Variants in PACRG observed in about 807,000 individuals in gnomAD.
PACRG encodes the protein parkin coregulated gene protein.
PACRG carries 29 observed loss-of-function variants against 29.7 expected under a neutral mutation model. That is an observed-to-expected ratio of 0.98 (90% CI 0.73 to 1.33). The LOEUF (loss-of-function observed/expected upper bound fraction) is 1.33, where lower values mean the gene tolerates loss of function less well. Ranked by LOEUF, PACRG falls within the 40% of genes most tolerant of loss-of-function variation. The pLI is 0.00. For missense variants in PACRG, 279 were observed against 316.2 expected (o/e 0.88, Z 0.89); for synonymous variants, 116 against 118.7 (o/e 0.98, Z 0.15).
At chr6:162,797,283 C>CA (rs1380101875) in intron 1 of PACRG, among the ~76,000 whole-genome samples, 1 of 151,510 alleles carries the variant, frequency 6.6e-6, no homozygotes, top group East Asian at 1.9e-4. Context: ...CCAAACCAAA[C>CA]AAAAAAAACA....
At position 163,196,774 on chromosome 6, in the gene PACRG, GAC is replaced by G. The variant is rs548263835; in HGVS notation, c.613+107368_613+107369del. On this transcript the variant is annotated intron_variant, in intron 4 of 4. Coordinates refer to ENST00000366888, the MANE Select transcript of PACRG (RefSeq NM_001080379.2). The stretch of plus-strand genomic sequence containing the variant: ...GACAGAGCTAAAGAAAGACTAGAGA[GAC>G]AGACAGACAGACAGAAAGACTAGAC... Among the ~76,000 whole-genome samples the G allele has an allele frequency of 2.0e-4, 30 of 152,060 alleles. No individual in the cohort carries two copies. In the East Asian group the frequency reaches 5.2e-3, roughly 26 times the overall value.
At chr6:163,252,480 G>A (rs933127528) in intron 4 of PACRG, among the ~76,000 whole-genome samples, 6 of 152,206 alleles carry the variant, frequency 3.9e-5, no homozygotes, top group African/African-American at 1.4e-4. Flanking sequence ...TGGGTCCCGT[G>A]GCTCTGACTG....
intron 2 of PACRG, among the ~76,000 whole-genome samples, chr6:163,037,264 G>A (rs1019390507): frequency 2.0e-5 from 3 of 152,174 alleles, no homozygotes; most frequent in Non-Finnish European, 4.4e-5. Context: ...CATCACCTGG[G>A]TGTCAGCAGA....
intron 2 of PACRG, among the ~76,000 whole-genome samples, chr6:162,939,542 G>A (rs1293686324): frequency 1.3e-5 from 2 of 152,090 alleles, no homozygotes; most frequent in Non-Finnish European, 2.9e-5. Flanking sequence ...TCTTTTTGGT[G>A]TTTTTCTTTA....
At chr6:163,110,544 A>G in intron 4 of PACRG, among the ~76,000 whole-genome samples, 1 of 152,248 alleles carries the variant, frequency 6.6e-6, no homozygotes, top group East Asian at 1.9e-4. Context: ...CAGGCCAGGC[A>G]GGAGAGCACA....
intron 4 of PACRG, among the ~76,000 whole-genome samples, chr6:163,247,335 T>A (rs889257442): frequency 6.6e-6 from 1 of 152,204 alleles, no homozygotes; most frequent in African/African-American, 2.4e-5. Context: ...CTCCTTATGC[T>A]CCTTCTGTGA....
intron 2 of PACRG, among the ~76,000 whole-genome samples, chr6:162,884,903 AC>A (rs1410377959): frequency 6.6e-6 from 1 of 152,190 alleles, no homozygotes; most frequent in Non-Finnish European, 1.5e-5. Flanking sequence ...CATAATATGA[AC>A]CCAGCCCGTG....
intron 3 of PACRG, among the ~76,000 whole-genome samples, chr6:163,065,394 C>T (rs1041224539): frequency 6.6e-6 from 1 of 152,104 alleles, no homozygotes; most frequent in African/African-American, 2.4e-5. Flanking sequence ...CTTCTCAATC[C>T]ATCAGAGTGA....
Position 162,933,927 on chromosome 6 carries a change from C to T in PACRG, c.291+119646C>T, listed in dbSNP as rs545692554. Among the ~76,000 whole-genome samples the T allele has an allele frequency of 4.6e-5, 7 of 152,174 alleles. No individual in the cohort carries two copies. The South Asian group carries it at 1.5e-3, about 32-fold the overall frequency. ...AAACAAGAGAGAGGGAAGGGAGGTG[C>T]TAAGCTGTTTTTAACAACCAGCCTT... On this transcript the variant is annotated intron_variant, in intron 2 of 4. Transcript: ENST00000366888.
chr6:162,802,512 G>T (rs1345725284), intron 1 of PACRG, among the ~76,000 whole-genome samples: 1 of 152,104 alleles, frequency 6.6e-6, no homozygotes, highest in Non-Finnish European at 1.5e-5. Context: ...ATGAATTCCA[G>T]TGTAATAGTC....
intron 2 of PACRG, among the ~76,000 whole-genome samples, chr6:163,004,858 G>A (rs539393730): frequency 8.6e-5 from 13 of 151,862 alleles, no homozygotes; most frequent in Admixed American, 2.0e-4. Flanking sequence ...AGATGAAAAC[G>A]GAGAGGCAAA....
intron 2 of PACRG, among the ~76,000 whole-genome samples, chr6:163,023,224 C>T (rs910868967): frequency 1.3e-5 from 2 of 152,308 alleles, no homozygotes; most frequent in South Asian, 2.1e-4. Context: ...AACCCACCCC[C>T]CTCCTTCCAC....
At chr6:162,814,403 T>A in intron 2 of PACRG, 122 bp downstream of exon 2, 2 of 1,299,024 alleles carry the variant, frequency 1.5e-6, no homozygotes, top group East Asian at 4.9e-5. Flanking sequence ...TGGAAGATGG[T>A]GGGAAAGCTC....
intron 2 of PACRG, among the ~76,000 whole-genome samples, chr6:163,023,318 A>G (rs566796127): frequency 6.6e-6 from 1 of 152,332 alleles, no homozygotes; most frequent in South Asian, 2.1e-4. Context: ...CAGTGAGAAC[A>G]TGCAGTATTT....
chr6:162,825,977 A>G (rs925353671), intron 2 of PACRG, among the ~76,000 whole-genome samples: 2 of 151,212 alleles, frequency 1.3e-5, no homozygotes, highest in African/African-American at 2.4e-5. Flanking sequence ...CCGTATTTAT[A>G]GTTTTGGCCA....
chr6:163,035,561 A>G (rs941383738), intron 2 of PACRG, among the ~76,000 whole-genome samples: 10 of 152,044 alleles, frequency 6.6e-5, no homozygotes, highest in African/African-American at 1.9e-4. Flanking sequence ...CAGGAGAATC[A>G]CTTGAACTTG....
At chr6:162,787,576 G>GTATATA (rs1421392024) in intron 1 of PACRG, among the ~76,000 whole-genome samples, 1 of 59,538 alleles carries the variant, frequency 1.7e-5, no homozygotes, top group African/African-American at 6.6e-5. Context: ...GTGTGTGTGT[G>GTATATA]TGTGTGTATA....
At chr6:162,801,556 C>T (rs75208655) in intron 1 of PACRG, among the ~76,000 whole-genome samples, 277 of 152,218 alleles carry the variant, frequency 1.8e-3, no homozygotes, top group African/African-American at 6.2e-3. Context: ...ATAATATGCA[C>T]ATGTTAATTT....
intron 2 of PACRG, among the ~76,000 whole-genome samples, chr6:162,898,356 G>A (rs565393953): frequency 5.9e-5 from 9 of 152,256 alleles, no homozygotes; most frequent in South Asian, 4.1e-4. Context: ...GTCTCTGCGC[G>A]CACCAGCCTT....
Sources: allele counts gnomAD v4.1 joint callset (sites outside exome capture counted in the v4.1 genomes callset), GRCh38; gene constraint gnomAD v4.1.1; transcripts MANE v1.5; gene names NCBI Gene and HGNC (gene_info 2026-07-23, HGNC 2026-07-21).